CLVS1: variants seen among roughly 807,000 people sequenced by gnomAD.
CLVS1 encodes the protein clavesin-1.
In CLVS1, 10 loss-of-function variants were observed where a neutral mutation model predicts 33.1. The observed-to-expected ratio is 0.30, with a 90% confidence interval of 0.19 to 0.51. The LOEUF is 0.51. Among genes scored for constraint, CLVS1 ranks in the 20% least tolerant of loss-of-function variants. The pLI is 0.97. For missense variants in CLVS1, 343 were observed against 433.4 expected (o/e 0.79, Z 1.85); for synonymous variants, 163 against 166.1 (o/e 0.98, Z 0.14).
intron 2 of CLVS1, among the ~76,000 whole-genome samples, chr8:61,231,286 G>GCACACACACACACACACACACA (rs4033613): frequency 4.0e-5 from 6 of 149,976 alleles, no homozygotes; most frequent in African/African-American, 1.5e-4. Flanking sequence ...ACCTGTGCTT[G>GCACACACACACACACACACACA]CACACACACA....
intron 1 of CLVS1, among the ~76,000 whole-genome samples, chr8:61,129,112 A>G (rs1029724712): frequency 6.6e-6 from 1 of 152,234 alleles, no homozygotes; most frequent in African/African-American, 2.4e-5. Context: ...CAGCTGATTC[A>G]CTGTTGCAAG....
chr8:61,163,965 C>A (rs1806802569), intron 2 of CLVS1, among the ~76,000 whole-genome samples: 1 of 152,164 alleles, frequency 6.6e-6, no homozygotes, highest in African/African-American at 2.4e-5. Context: ...AGAGTGAAAA[C>A]AAAGCTCCCA....
chr8:61,486,025 A>C (rs1803867648), intron 5 of CLVS1, among the ~76,000 whole-genome samples: 1 of 152,152 alleles, frequency 6.6e-6, no homozygotes, highest in Non-Finnish European at 1.5e-5. Flanking sequence ...GCTGCATACC[A>C]ACATGGCACA....
intron 3 of CLVS1, among the ~76,000 whole-genome samples, chr8:61,428,212 A>G (rs1290476839): frequency 6.6e-6 from 1 of 152,212 alleles, no homozygotes; most frequent in Admixed American, 6.5e-5. Flanking sequence ...CGGCTTTTGC[A>G]TTATTTTCTT....
intron 2 of CLVS1, among the ~76,000 whole-genome samples, chr8:61,251,780 T>G (rs1808954553): frequency 6.6e-6 from 1 of 152,200 alleles, no homozygotes; most frequent in Non-Finnish European, 1.5e-5. Context: ...AATTTTTTAT[T>G]GTATCTATTT....
At chr8:61,423,235 C>G (rs1815752386) in intron 3 of CLVS1, among the ~76,000 whole-genome samples, 2 of 152,270 alleles carry the variant, frequency 1.3e-5, no homozygotes, top group South Asian at 4.1e-4. Flanking sequence ...GTACTTATTT[C>G]TTTAGTGCCT....
At chr8:61,225,102 A>T (rs1044975248) in intron 2 of CLVS1, among the ~76,000 whole-genome samples, 1 of 152,176 alleles carries the variant, frequency 6.6e-6, no homozygotes, top group Non-Finnish European at 1.5e-5. Context: ...GGATCGCTTG[A>T]GTTCAGGAGT....
chr8:61,203,119 T>C, intron 2 of CLVS1: 2 of 1,225,446 alleles, frequency 1.6e-6, no homozygotes, highest in Non-Finnish European at 2.4e-6. Context: ...AAAAAGGTGG[T>C]TCTCTTCCCA....
intron 2 of CLVS1, among the ~76,000 whole-genome samples, chr8:61,226,113 C>A (rs1398776455): frequency 6.6e-6 from 1 of 152,154 alleles, no homozygotes; most frequent in Non-Finnish European, 1.5e-5. Context: ...ATGGACGATA[C>A]CACCTAACTT....
intron 2 of CLVS1, among the ~76,000 whole-genome samples, chr8:61,274,238 A>T (rs1468930960): frequency 6.6e-6 from 1 of 152,186 alleles, no homozygotes; most frequent in Non-Finnish European, 1.5e-5. Flanking sequence ...ATGCTGTAAT[A>T]TTCATTCTTT....
chr8:61,071,096 A>G (rs1430741283), intron 1 of CLVS1, among the ~76,000 whole-genome samples: 3 of 152,238 alleles, frequency 2.0e-5, no homozygotes, highest in Non-Finnish European at 2.9e-5. Context: ...TGGAAGCAGC[A>G]GTAAAAAGAG....
chr8:61,232,023 G>GTTTGTTTGTTTGTTTTTTTTTTTTTT lies in CLVS1; in HGVS notation c.-151-67651_-151-67650insGTTTGTTTGTTTTTTTTTTTTTTTTT. ...AGAAGGAGCCCTGAGGAAAGTTGTG[G>GTTTGTTTGTTTGTTTTTTTTTTTTTT]TTTTTTTTTTTTTTTTTTTTTTTTT... On this transcript the variant is annotated intron_variant, in intron 2 of 2. Coordinates refer to the CLVS1 transcript ENST00000522621. 3.2e-4 allele frequency among the ~76,000 whole-genome samples: 20 copies of GTTTGTTTGTTTGTTTTTTTTTTTTTT among 62,654 alleles called. 1 individual carries two copies. Among genetic ancestry groups the GTTTGTTTGTTTGTTTTTTTTTTTTTT allele is most frequent in the African/African-American group, 4.3e-4 (9 of 21,120 alleles). The allele number at this position is 62,654 out of a possible 152,430, so 41.1% of individuals were successfully genotyped here.
At chr8:61,317,102 A>G (rs1811039702) in intron 2 of CLVS1, among the ~76,000 whole-genome samples, 1 of 152,208 alleles carries the variant, frequency 6.6e-6, no homozygotes, top group Non-Finnish European at 1.5e-5. Context: ...CTATAACAAA[A>G]TACCTGGGGC....
intron 3 of CLVS1, among the ~76,000 whole-genome samples, chr8:61,438,217 C>T (rs1277012555): frequency 6.6e-6 from 1 of 152,092 alleles, no homozygotes; most frequent in Non-Finnish European, 1.5e-5. Context: ...TGTGTTGGTC[C>T]CCTCCCTGCG....
intron 2 of CLVS1, among the ~76,000 whole-genome samples, chr8:61,224,987 C>T (rs1484247457): frequency 6.6e-6 from 1 of 152,088 alleles, no homozygotes; most frequent in East Asian, 1.9e-4. Context: ...TGTGTTTTAC[C>T]AAAGTAATTT....
intron 2 of CLVS1, among the ~76,000 whole-genome samples, chr8:61,182,266 C>T (rs990928770): frequency 2.0e-5 from 3 of 152,132 alleles, no homozygotes; most frequent in Non-Finnish European, 1.5e-5. Flanking sequence ...AGGACATGGG[C>T]ATGGGCAAAG....
intron 1 of CLVS1, among the ~76,000 whole-genome samples, chr8:61,113,368 T>A (rs896599093): frequency 1.1e-4 from 17 of 152,140 alleles, no homozygotes; most frequent in Non-Finnish European, 2.4e-4. Context: ...AGCATCATGT[T>A]TTGAGTGGTG....
chr8:60,970,275 A>G, the CLVS1 span, among the ~76,000 whole-genome samples: 1 of 152,274 alleles, frequency 6.6e-6, no homozygotes, highest in African/African-American at 2.4e-5. Flanking sequence ...ATCTTCTGAG[A>G]GGTCTGCCCT....
At chr8:61,057,395 CA>C (rs1563387082) in intron 1 of CLVS1, among the ~76,000 whole-genome samples, 7 of 151,688 alleles carry the variant, frequency 4.6e-5, no homozygotes, top group African/African-American at 9.7e-5. Context: ...CACACACACA[CA>C]CACACACACA....
Sources: gnomAD v4.1 joint callset for allele counts (sites outside exome capture counted in the v4.1 genomes callset) on GRCh38, gnomAD v4.1.1 for gene constraint, MANE v1.5 for transcripts, NCBI Gene and HGNC (gene_info 2026-07-23, HGNC 2026-07-21) for gene names.